PHACTR1: variants seen among roughly 807,000 people sequenced by gnomAD.
PHACTR1 encodes the protein RPEL repeat containing 1.
PHACTR1 carries 16 observed loss-of-function variants against 69.2 expected under a neutral mutation model. The ratio of observed to expected loss-of-function variants is 0.23; its 90% confidence interval spans 0.16 to 0.35. PHACTR1 has a LOEUF of 0.35. Among genes scored for constraint, PHACTR1 ranks in the 10% least tolerant of loss-of-function variants. PHACTR1 has a pLI of 1.00. For synonymous variants in PHACTR1, 312 were observed against 284.5 expected, an observed-to-expected ratio of 1.10 and a Z score of -0.97; for missense variants, 510 against 734.7, an observed-to-expected ratio of 0.69 and a Z score of 3.54.
chr6:13,143,546 A>C (rs1382355442), intron 5 of PHACTR1, among the ~76,000 whole-genome samples: 1 of 152,362 alleles, frequency 6.6e-6, no homozygotes, highest in East Asian at 1.9e-4. Context: ...GGGGCCTGAG[A>C]TTCTGCATTT....
chr6:12,777,513 T>C (rs1316541462), intron 4 of PHACTR1, among the ~76,000 whole-genome samples: 1 of 152,130 alleles, frequency 6.6e-6, no homozygotes, highest in African/African-American at 2.4e-5. Flanking sequence ...TGAGTTATTT[T>C]GCTGAGGATG....
intron 6 of PHACTR1, among the ~76,000 whole-genome samples, chr6:13,182,036 C>T (rs1281495590): frequency 6.6e-6 from 1 of 152,060 alleles, no homozygotes; most frequent in Admixed American, 6.5e-5. Flanking sequence ...GAGTTTGAGA[C>T]CAGCCTGACC....
At chr6:12,874,846 T>C (rs1169111721) in intron 4 of PHACTR1, among the ~76,000 whole-genome samples, 3 of 152,180 alleles carry the variant, frequency 2.0e-5, no homozygotes, top group African/African-American at 7.2e-5. Context: ...TAACATATGC[T>C]TTGCTTATGT....
chr6:12,760,616 C>T (rs1767918919), intron 4 of PHACTR1, among the ~76,000 whole-genome samples: 1 of 152,088 alleles, frequency 6.6e-6, no homozygotes, highest in Admixed American at 6.6e-5. Context: ...GGAGGCCGTA[C>T]ATGTTGGTCA....
At chr6:12,812,098 C>G (rs1310143459) in intron 4 of PHACTR1, among the ~76,000 whole-genome samples, 1 of 152,058 alleles carries the variant, frequency 6.6e-6, no homozygotes, top group Non-Finnish European at 1.5e-5. Context: ...TCTATCTAGT[C>G]CCAAAATGTT....
At position 12,738,087 on chromosome 6, in the gene PHACTR1, C is replaced by T. The variant is rs543266745; in HGVS notation, c.104-11557C>T. Among the ~76,000 whole-genome samples, 3 of 152,320 alleles carry T rather than the reference C, an allele frequency of 2.0e-5. No individual in the cohort carries two copies. In the South Asian group the frequency reaches 6.2e-4, roughly 32 times the overall value. On this transcript the variant is annotated intron_variant, in intron 3 of 14. Coordinates refer to ENST00000332995, the MANE Select transcript of PHACTR1 (RefSeq NM_030948.6). ...TTCAGTCTAAGGTTAGAATCCAGTA[C>T]TGGTCTAGGGGCTGTCTTCTTTTGC...
At chr6:12,750,317 A>T (rs975391659) in intron 4 of PHACTR1, among the ~76,000 whole-genome samples, 1 of 152,168 alleles carries the variant, frequency 6.6e-6, no homozygotes, top group Non-Finnish European at 1.5e-5. Context: ...GCTGGTCATA[A>T]TAGCATGGTC....
intron 3 of PHACTR1, among the ~76,000 whole-genome samples, chr6:12,738,199 A>G (rs1052617453): frequency 6.6e-6 from 1 of 152,080 alleles, no homozygotes; most frequent in Non-Finnish European, 1.5e-5. Context: ...TTTCCCTTTA[A>G]TTTTGTCTAA....
intron 4 of PHACTR1, among the ~76,000 whole-genome samples, chr6:13,040,436 A>G (rs962628326): frequency 2.6e-5 from 4 of 152,254 alleles, no homozygotes; most frequent in African/African-American, 9.6e-5. Flanking sequence ...AAAAGATACT[A>G]TATACATTAA....
intron 8 of PHACTR1, among the ~76,000 whole-genome samples, chr6:13,223,611 C>G (rs899903777): frequency 1.3e-5 from 2 of 152,194 alleles, no homozygotes; most frequent in African/African-American, 2.4e-5. Flanking sequence ...GGACACATCT[C>G]ATAAGTATCA....
chr6:12,736,957 C>A (rs1290778529), intron 3 of PHACTR1, among the ~76,000 whole-genome samples: 1 of 151,998 alleles, frequency 6.6e-6, no homozygotes, highest in Admixed American at 6.6e-5. Flanking sequence ...AATATATACA[C>A]ACATATACAC....
intron 4 of PHACTR1, among the ~76,000 whole-genome samples, chr6:12,979,434 A>T (rs975093685): frequency 1.3e-5 from 2 of 152,200 alleles, no homozygotes; most frequent in Non-Finnish European, 2.9e-5. Flanking sequence ...GCTATGAGAG[A>T]ATAGTTGGCG....
chr6:12,998,694 T>A lies in PHACTR1; in HGVS notation c.251-54671T>A, dbSNP rs190680018. Among the ~76,000 whole-genome samples the A allele has an allele frequency of 4.0e-3, 605 of 151,022 alleles. 5 individuals carry two copies. The highest frequency in any genetic ancestry group is 0.014 in the African/African-American group (562 of 41,252). Reference sequence around the variant, plus strand: ...AGTCAACAATTGGTAAGTTTAAATTTAAAAAAATCTTTATATGACAAAGGA... The same window carrying A: ...AGTCAACAATTGGTAAGTTTAAATTAAAAAAAATCTTTATATGACAAAGGA... On this transcript the variant is annotated intron_variant, in intron 4 of 14. Coordinates refer to ENST00000332995, the MANE Select transcript of PHACTR1 (RefSeq NM_030948.6).
At chr6:12,782,480 T>G (rs149086629) in intron 4 of PHACTR1, among the ~76,000 whole-genome samples, 1 of 152,180 alleles carries the variant, frequency 6.6e-6, no homozygotes, top group Admixed American at 6.5e-5. Flanking sequence ...CATATAGATA[T>G]GCAATACTGG....
Position 12,990,113 on chromosome 6 carries a change from A to G in PHACTR1, c.251-63252A>G, listed in dbSNP as rs754212934. Among the ~76,000 whole-genome samples the G allele has an allele frequency of 4.0e-4, 61 of 152,158 alleles. 1 individual carries two copies. The highest frequency in any genetic ancestry group is 1.8e-4 in the Non-Finnish European group (12 of 68,022). On this transcript the variant is annotated intron_variant, in intron 4 of 14. Transcript: ENST00000332995. ...TATAGCCAGTTTATACAGGCACCCC[A>G]CAAGCCCTTTTCCCAACAGTTTTCT...
intron 6 of PHACTR1, among the ~76,000 whole-genome samples, chr6:13,182,078 A>G (rs1389827141): frequency 6.6e-6 from 1 of 152,146 alleles, no homozygotes; most frequent in East Asian, 1.9e-4. Context: ...TAATAAAAAT[A>G]CAAAATTAGC....
chr6:12,957,420 G>T, intron 4 of PHACTR1: 1 of 985,380 alleles, frequency 1.0e-6, no homozygotes, highest in East Asian at 1.1e-4. Flanking sequence ...TTGGATCCCC[G>T]GGTTACTTTC....
At chr6:12,938,515 C>T (rs1047775811) in intron 4 of PHACTR1, among the ~76,000 whole-genome samples, 1 of 152,146 alleles carries the variant, frequency 6.6e-6, no homozygotes, top group African/African-American at 2.4e-5. Flanking sequence ...ACACCAAGCC[C>T]TATCTGGTGT....
chr6:12,770,361 T>C (rs1274105020), intron 4 of PHACTR1, among the ~76,000 whole-genome samples: 1 of 152,162 alleles, frequency 6.6e-6, no homozygotes, highest in Non-Finnish European at 1.5e-5. Context: ...TGTAAACAGA[T>C]GGTGACATAG....
Sources: allele counts gnomAD v4.1 joint callset (sites outside exome capture counted in the v4.1 genomes callset), GRCh38; gene constraint gnomAD v4.1.1; transcripts MANE v1.5; gene names NCBI Gene and HGNC (gene_info 2026-07-23, HGNC 2026-07-21).